STXBP6: variants seen among roughly 807,000 people sequenced by gnomAD.
The protein encoded by STXBP6 is syntaxin-binding protein 6.
In STXBP6, 21 loss-of-function variants were observed where a neutral mutation model predicts 26.9. The observed-to-expected ratio is 0.78, with a 90% CI of 0.55 to 1.12. The LOEUF (loss-of-function observed/expected upper bound fraction) is 1.12. Ranked by LOEUF, STXBP6 falls within the 50% of genes most tolerant of loss-of-function variation. STXBP6 has a pLI of 0.00. For synonymous variants in STXBP6, 97 were observed against 92.6 expected, an observed-to-expected ratio of 1.05 and a Z score of -0.27; for missense variants, 232 against 257.9, an observed-to-expected ratio of 0.90 and a Z score of 0.69.
At chr14:24,957,004 C>T (rs2073365450) in intron 2 of STXBP6, among the ~76,000 whole-genome samples, 2 of 152,220 alleles carry the variant, frequency 1.3e-5, no homozygotes, top group Admixed American at 6.5e-5. Context: ...TCTACACACA[C>T]ACACTAGGCT....
intron 5 of STXBP6, among the ~76,000 whole-genome samples, chr14:24,818,739 TC>T (rs1171324531): frequency 6.6e-6 from 1 of 152,090 alleles, no homozygotes; most frequent in Non-Finnish European, 1.5e-5. Flanking sequence ...GTTCTGTGCC[TC>T]GATACTTGAG....
At chr14:24,908,449 C>T (rs1426627542) in intron 2 of STXBP6, among the ~76,000 whole-genome samples, 1 of 152,166 alleles carries the variant, frequency 6.6e-6, no homozygotes, top group African/African-American at 2.4e-5. Flanking sequence ...AAAACTGCCT[C>T]CCATGTACTA....
At chr14:24,908,999 A>T (rs1450566056) in intron 2 of STXBP6, among the ~76,000 whole-genome samples, 1 of 152,250 alleles carries the variant, frequency 6.6e-6, no homozygotes, top group African/African-American at 2.4e-5. Flanking sequence ...GGTAAAATAC[A>T]CAGTAGTAAA....
chr14:24,973,109 C>A (rs1041751807), intron 2 of STXBP6, among the ~76,000 whole-genome samples: 8 of 152,100 alleles, frequency 5.3e-5, no homozygotes, highest in Non-Finnish European at 7.4e-5. Flanking sequence ...CAGAGTGAGA[C>A]CCTGTCTCAA....
At position 24,917,972 on chromosome 14, in the gene STXBP6, T is replaced by A. The variant is rs190252036; in HGVS notation, c.154+56693A>T. Reference sequence around the variant, plus strand: ...AGCTGCCTAAGTTGTCTGCCTTTGTTTTTTTATACTTATGCAACAGGTACA... The same window carrying A: ...AGCTGCCTAAGTTGTCTGCCTTTGTATTTTTATACTTATGCAACAGGTACA... On this transcript the variant is annotated intron_variant, in intron 2 of 5. Coordinates refer to ENST00000323944, the MANE Select transcript of STXBP6 (RefSeq NM_001394410.1). Among the ~76,000 whole-genome samples the A allele has an allele frequency of 2.1e-3, 314 of 152,162 alleles. 2 individuals are homozygous for A. The highest frequency in any genetic ancestry group is 7.3e-3 in the African/African-American group (305 of 41,544).
rs1308015409 is a variant in STXBP6 at position 24,810,057 on chromosome 14, T to C, written c.*2652A>G. ...TGAAACATTAACCTGAATAACTGCA[T>C]ACTTTCTGTACACAGGTATCTAATA... On this transcript the variant is annotated 3_prime_UTR_variant, in exon 6 of 6. Transcript: ENST00000323944. 6.6e-6 allele frequency: 1 copy of C among 152,254 alleles called. No homozygotes were observed. The highest frequency in any genetic ancestry group is 2.4e-5 in the African/African-American group (1 of 41,464). The allele number at this position is 152,254 out of a possible 1,614,324, so 9.4% of individuals were successfully genotyped here.
intron 2 of STXBP6, among the ~76,000 whole-genome samples, chr14:24,920,308 T>C (rs2071933763): frequency 6.6e-6 from 1 of 152,088 alleles, no homozygotes; most frequent in Admixed American, 6.6e-5. Flanking sequence ...TTTTCTAAAA[T>C]AACAAGACTG....
chr14:24,961,172 A>G (rs2073524318), intron 2 of STXBP6, among the ~76,000 whole-genome samples: 3 of 152,202 alleles, frequency 2.0e-5, no homozygotes, highest in African/African-American at 7.2e-5. Context: ...ACAGGAACAG[A>G]AAACAAAATA....
chr14:24,842,559 C>T (rs982379371), intron 4 of STXBP6, among the ~76,000 whole-genome samples: 1 of 152,144 alleles, frequency 6.6e-6, no homozygotes, highest in Non-Finnish European at 1.5e-5. Flanking sequence ...TACAAATTTA[C>T]AATGCCAAAC....
intron 2 of STXBP6, among the ~76,000 whole-genome samples, chr14:24,961,806 T>A (rs1404144223): frequency 1.3e-5 from 2 of 151,490 alleles, no homozygotes; most frequent in Admixed American, 1.3e-4. Flanking sequence ...TAAAAAAAAA[T>A]AATTTTTTGA....
chr14:24,912,090 T>C (rs1389405127), intron 2 of STXBP6, among the ~76,000 whole-genome samples: 2 of 152,184 alleles, frequency 1.3e-5, no homozygotes, highest in Non-Finnish European at 2.9e-5. Flanking sequence ...GCAGTATCTG[T>C]TTGGCATGAG....
At chr14:24,884,437 C>A (rs1178835379) in intron 2 of STXBP6, among the ~76,000 whole-genome samples, 1 of 152,146 alleles carries the variant, frequency 6.6e-6, no homozygotes, top group Non-Finnish European at 1.5e-5. Flanking sequence ...TACAATGACA[C>A]AATAAAGGAA....
intron 2 of STXBP6, among the ~76,000 whole-genome samples, chr14:24,945,166 T>TTTTTTTTTTTTG: frequency 7.0e-6 from 1 of 143,862 alleles, no homozygotes; most frequent in East Asian, 2.1e-4. Flanking sequence ...TTTTTTTTTT[T>TTTTTTTTTTTTG]AGCAGATTCC....
rs1304005936 is a variant in STXBP6 at position 24,930,233 on chromosome 14, ATGTCTGCACTTTCTT to A, written c.154+44417_154+44431del. Among the ~76,000 whole-genome samples the A allele has an allele frequency of 9.2e-5, 14 of 152,256 alleles. No individual in the cohort carries two copies. In the East Asian group the frequency reaches 2.3e-3, roughly 25 times the overall value. ...GTGGGGATAATAGCCTGCACTTTCC[ATGTCTGCACTTTCTT>A]AGAAATGGGGAGAGTATTTTCATAT... is the stretch of plus-strand genomic sequence containing the variant. On this transcript the variant is annotated intron_variant, in intron 2 of 5. Coordinates refer to ENST00000323944, the MANE Select transcript of STXBP6 (RefSeq NM_001394410.1).
At chr14:24,910,882 C>G (rs1008282425) in intron 2 of STXBP6, among the ~76,000 whole-genome samples, 1 of 152,068 alleles carries the variant, frequency 6.6e-6, no homozygotes, top group Non-Finnish European at 1.5e-5. Context: ...AACCCAGTGG[C>G]CACTTGTGAG....
At chr14:24,911,527 C>T (rs1047310877) in intron 2 of STXBP6, among the ~76,000 whole-genome samples, 10 of 152,236 alleles carry the variant, frequency 6.6e-5, no homozygotes, top group South Asian at 2.1e-4. Flanking sequence ...CCAAGCAGGA[C>T]GATGTCTCCA....
chr14:24,940,352 A>G (rs2072757765), intron 2 of STXBP6, among the ~76,000 whole-genome samples: 1 of 152,238 alleles, frequency 6.6e-6, no homozygotes, highest in African/African-American at 2.4e-5. Context: ...GCAAAATACA[A>G]GAATTGTGAC....
intron 2 of STXBP6, among the ~76,000 whole-genome samples, chr14:24,871,458 A>G (rs1254480383): frequency 6.6e-6 from 1 of 152,228 alleles, no homozygotes; most frequent in Non-Finnish European, 1.5e-5. Flanking sequence ...TGGCTTGAAT[A>G]ACTCCCATGG....
At chr14:24,842,705 C>T (rs2068820926) in intron 4 of STXBP6, among the ~76,000 whole-genome samples, 2 of 151,860 alleles carry the variant, frequency 1.3e-5, no homozygotes, top group Admixed American at 1.3e-4. Context: ...ATGATTATGC[C>T]TTACTGACAG....
Sources: allele counts gnomAD v4.1 joint callset (sites outside exome capture counted in the v4.1 genomes callset), GRCh38; gene constraint gnomAD v4.1.1; transcripts MANE v1.5; gene names NCBI Gene and HGNC (gene_info 2026-07-23, HGNC 2026-07-21).